Variants in ELMOD2 observed in about 807,000 individuals in gnomAD.
The protein encoded by ELMOD2 is ELMO domain containing 2, also known as ELMO domain-containing protein 2.
ELMOD2 carries 28 observed loss-of-function variants against 41.0 expected under a neutral mutation model. The ratio of observed to expected loss-of-function variants is 0.68; its 90% CI spans 0.51 to 0.94. The LOEUF (loss-of-function observed/expected upper bound fraction) is 0.94. ELMOD2 is among the 40% of genes least tolerant of loss of function. The pLI is 0.00. For missense variants in ELMOD2, 333 were observed against 343.1 expected (o/e 0.97, Z 0.23); for synonymous variants, 106 against 107.2 (o/e 0.99, Z 0.07).
chr4:140,542,636 A>C lies in ELMOD2; in HGVS notation c.596A>C (p.Lys199Thr). ...ATTCTTTCCCGTTCAAATCATCCAA[A>C]ATTAGGGTAAGCTGGGTATATTAAA... ...HQILSRSNHP[K>T]LGYSYAIVGI... The change falls in exon 7 of 9, where the codon AAA (lysine) becomes ACA (threonine). Residue 199 changes from lysine (K) to threonine (T), a missense_variant. Transcript: ENST00000323570. 1 of 1,605,954 alleles carries C rather than the reference A, an allele frequency of 6.2e-7. No homozygotes were observed.
chr4:140,536,090 TC>T (rs1166159092), intron 4 of ELMOD2, among the ~76,000 whole-genome samples: 1 of 152,196 alleles, frequency 6.6e-6, no homozygotes, highest in Non-Finnish European at 1.5e-5. Context: ...ACCATGACTT[TC>T]CCAAGGTTAA....
intron 5 of ELMOD2, among the ~76,000 whole-genome samples, chr4:140,539,001 A>G (rs907304696): frequency 6.6e-6 from 1 of 152,186 alleles, no homozygotes; most frequent in Non-Finnish European, 1.5e-5. Flanking sequence ...GAGAGAGGCT[A>G]ATGTAAGCAA....
chr4:140,543,910 A>G (rs1030491108), intron 8 of ELMOD2, among the ~76,000 whole-genome samples: 1 of 152,148 alleles, frequency 6.6e-6, no homozygotes, highest in Non-Finnish European at 1.5e-5. Context: ...TGGTTAATGA[A>G]TGCTGTTAAG....
intron 2 of ELMOD2, among the ~76,000 whole-genome samples, chr4:140,525,891 G>C (rs185893389): frequency 6.6e-5 from 10 of 152,254 alleles, no homozygotes; most frequent in African/African-American, 2.4e-4. Flanking sequence ...TCACTCACAT[G>C]GTGGGAAGAA....
intron 3 of ELMOD2, among the ~76,000 whole-genome samples, chr4:140,533,527 A>G (rs927718119): frequency 6.6e-6 from 1 of 152,212 alleles, no homozygotes; most frequent in Admixed American, 6.5e-5. Flanking sequence ...TGTTAGACCT[A>G]TGTTTAAGCT....
intron 3 of ELMOD2, among the ~76,000 whole-genome samples, chr4:140,534,208 A>G (rs569122200): frequency 6.6e-6 from 1 of 152,318 alleles, no homozygotes; most frequent in East Asian, 1.9e-4. Flanking sequence ...CAACTCAACA[A>G]TTAAAAGGGA....
At chr4:140,531,221 T>C (rs930744936) in intron 3 of ELMOD2, among the ~76,000 whole-genome samples, 2 of 152,210 alleles carry the variant, frequency 1.3e-5, no homozygotes, top group African/African-American at 4.8e-5. Context: ...CCTAAAGCAG[T>C]GATCTTGAAG....
intron 6 of ELMOD2, 100 bp from the exon 7 acceptor site, chr4:140,542,474 A>G (rs1377019870): frequency 1.2e-6 from 1 of 804,112 alleles, no homozygotes; most frequent in Admixed American, 2.4e-5. Flanking sequence ...TCATGGCAAT[A>G]CTAGGACTAT....
intron 6 of ELMOD2, among the ~76,000 whole-genome samples, chr4:140,540,561 C>T (rs1052787375): frequency 1.3e-5 from 2 of 151,998 alleles, no homozygotes; most frequent in South Asian, 2.1e-4. Flanking sequence ...TGAGACCAAT[C>T]TGAGCAATAT....
chr4:140,550,653 T>G lies in ELMOD2; in HGVS notation c.*278T>G, dbSNP rs1560837485. ...GACTTAGCCCGTTGGTGTAAAAGTATAAATCAGGTATTTGTATTAAATTGA... is the reference window on the plus strand; with the variant it reads ...GACTTAGCCCGTTGGTGTAAAAGTAGAAATCAGGTATTTGTATTAAATTGA... On this transcript the variant is annotated 3_prime_UTR_variant, in exon 9 of 9. Coordinates refer to ENST00000323570, the MANE Select transcript of ELMOD2 (RefSeq NM_153702.4). The G allele has an allele frequency of 9.9e-6, 2 of 201,486 alleles. No homozygotes were observed. The highest frequency in any genetic ancestry group is 2.0e-5 in the Non-Finnish European group (2 of 101,654). 12.5% of individuals were successfully genotyped at this position (201,486 alleles called of 1,614,324 possible).
rs10647929 is a variant in ELMOD2 at position 140,549,352 on chromosome 4, CAT to C, written c.737-873_737-872del. Reference sequence around the variant, plus strand: ...GGTTTTAAATTCACATTTAAGTTTACATATATGTGTGTGTGTGTGTGTGTGTA... The same window carrying C: ...GGTTTTAAATTCACATTTAAGTTTACATATGTGTGTGTGTGTGTGTGTGTA... On this transcript the variant is annotated intron_variant, in intron 8 of 8. Coordinates refer to ENST00000323570, the MANE Select transcript of ELMOD2 (RefSeq NM_153702.4). Among the ~76,000 whole-genome samples the C allele has an allele frequency of 5.8e-4, 88 of 150,526 alleles. 1 individual carries two copies. Among genetic ancestry groups the C allele is most frequent in the African/African-American group, 2.1e-3 (86 of 41,106 alleles).
chr4:140,540,343 A>T, intron 6 of ELMOD2, 42 bp downstream of exon 6: 1 of 1,602,706 alleles, frequency 6.2e-7, no homozygotes, highest in Non-Finnish European at 8.5e-7. Flanking sequence ...AAATGAAATT[A>T]CATTTAATCT....
chr4:140,540,216 A>G lies in ELMOD2; in HGVS notation c.448A>G (p.Lys150Glu). The G allele has an allele frequency of 3.1e-6, 5 of 1,614,170 alleles. No homozygotes were observed. Among genetic ancestry groups the G allele is most frequent in the Admixed American group, 1.7e-5 (1 of 60,028 alleles). The stretch of plus-strand genomic sequence containing the variant: ...GAAGAAGTTAAACGCTAGAATCTCC[A>G]AGCAGTGGGCTGAAATTGGTTTTCA... ...PTKKLNARIS[K>E]QWAEIGFQGD... Residue 150 changes from lysine to glutamate, a missense_variant, in exon 6 of 9, where the codon AAG (lysine) becomes GAG (glutamate). Coordinates refer to ENST00000323570, the MANE Select transcript of ELMOD2 (RefSeq NM_153702.4).
chr4:140,525,467 T>C lies in ELMOD2; in HGVS notation c.39T>C (p.Phe13=), dbSNP rs1398764743. 2.9e-5 allele frequency: 46 copies of C among 1,613,926 alleles called. No individual in the cohort carries two copies. The highest frequency in any genetic ancestry group is 3.8e-5 in the Non-Finnish European group (45 of 1,179,946). ...TGTGGGAGTTCTTCTATGGGCACTT[T>C]TTTCGATTTTGGATGAAATGGCTAT... ...ISLWEFFYGH[F]FRFWMKWLLR... is the part of the protein sequence containing the mutation. The change falls in exon 2 of 9, where the codon TTT becomes TTC. Residue 13 remains phenylalanine, a synonymous_variant. Coordinates refer to ENST00000323570, the MANE Select transcript of ELMOD2 (RefSeq NM_153702.4).
chr4:140,528,574 A>G (rs1300352833), intron 3 of ELMOD2, among the ~76,000 whole-genome samples: 1 of 152,200 alleles, frequency 6.6e-6, no homozygotes, highest in Admixed American at 6.5e-5. Context: ...ATCCACATGA[A>G]TGTTTGTTAT....
At chr4:140,537,011 GTTTC>G (rs1734950698) in intron 4 of ELMOD2, among the ~76,000 whole-genome samples, 1 of 152,136 alleles carries the variant, frequency 6.6e-6, no homozygotes, top group Admixed American at 6.5e-5. Flanking sequence ...GAAAGAGCAT[GTTTC>G]TTTAGGGAAG....
chr4:140,534,578 A>G (rs1274395555), intron 3 of ELMOD2, among the ~76,000 whole-genome samples: 4 of 152,188 alleles, frequency 2.6e-5, no homozygotes, highest in African/African-American at 9.6e-5. Context: ...TATATACAGG[A>G]AAGAGTATTT....
At position 140,552,128 on chromosome 4, in the gene ELMOD2, A is replaced by G. The variant is rs758595975; in HGVS notation, c.*1753A>G. ...ATTGTATTAAGGTATTAACTATTAC[A>G]TGGAAAGCAATTCTGTTCATCTTTT... On this transcript the variant is annotated 3_prime_UTR_variant, in exon 9 of 9. Coordinates refer to ENST00000323570, the MANE Select transcript of ELMOD2 (RefSeq NM_153702.4). The G allele has an allele frequency of 5.3e-5, 8 of 152,196 alleles. No individual in the cohort carries two copies. The highest frequency in any genetic ancestry group is 8.8e-5 in the Non-Finnish European group (6 of 67,926). 9.4% of individuals were successfully genotyped at this position (152,196 alleles called of 1,614,324 possible). A position where few individuals can be genotyped will look rare whatever the true frequency, so the allele number is the denominator to read the frequency against.
chr4:140,531,691 C>T (rs1273257677), intron 3 of ELMOD2, among the ~76,000 whole-genome samples: 1 of 152,242 alleles, frequency 6.6e-6, no homozygotes, highest in Non-Finnish European at 1.5e-5. Context: ...TGGGCCTCTA[C>T]TTTTCCACTA....
Sources: allele counts gnomAD v4.1 joint callset (sites outside exome capture counted in the v4.1 genomes callset), GRCh38; gene constraint gnomAD v4.1.1; transcripts MANE v1.5; gene names NCBI Gene and HGNC (gene_info 2026-07-23, HGNC 2026-07-21).